Variants in SYTL3 observed in about 807,000 individuals in gnomAD.
SYTL3 encodes the protein synaptotagmin like 3, also known as synaptotagmin-like protein 3.
In SYTL3, 88 loss-of-function variants were observed where a neutral mutation model predicts 82.1. The observed-to-expected ratio is 1.07, with a 90% CI of 0.90 to 1.28. The LOEUF (loss-of-function observed/expected upper bound fraction) is 1.28, where lower values mean the gene tolerates loss of function less well. SYTL3 is among the 50% of genes most tolerant of loss of function. SYTL3 has a pLI of 0.00. For synonymous variants in SYTL3, 311 were observed against 289.4 expected (o/e 1.07, Z -0.76); for missense variants, 831 against 757.6 (o/e 1.10, Z -1.14).
chr6:158,757,490 G>A, intron 14 of SYTL3, 109 bp downstream of exon 14: 2 of 1,236,442 alleles, frequency 1.6e-6, no homozygotes, highest in South Asian at 2.8e-5. Context: ...TTGGACCCAA[G>A]ACTGTGTGTT....
At chr6:158,658,861 G>A (rs372305601) in intron 2 of SYTL3, among the ~76,000 whole-genome samples, 9 of 152,064 alleles carry the variant, frequency 5.9e-5, no homozygotes, top group Admixed American at 6.6e-5. Context: ...CCTGGGAGGC[G>A]GACGTTGCAG....
chr6:158,680,080 C>G (rs1778491122), intron 5 of SYTL3, among the ~76,000 whole-genome samples: 1 of 152,140 alleles, frequency 6.6e-6, no homozygotes, highest in Non-Finnish European at 1.5e-5. Flanking sequence ...TAATTCCTGC[C>G]CTTTGGATTT....
At chr6:158,736,735 C>G (rs182760545) in intron 11 of SYTL3, among the ~76,000 whole-genome samples, 1 of 148,944 alleles carries the variant, frequency 6.7e-6, no homozygotes, top group Non-Finnish European at 1.5e-5. Flanking sequence ...TGGCAGTGAG[C>G]TGAGATCGTG....
chr6:158,717,952 G>C (rs1435119996), intron 9 of SYTL3, 135 bp from the exon 10 acceptor site: 1 of 697,200 alleles, frequency 1.4e-6, no homozygotes, highest in Non-Finnish European at 2.1e-6. Flanking sequence ...TGCCGCCCTT[G>C]CTCCTCCGTG....
intron 6 of SYTL3, among the ~76,000 whole-genome samples, chr6:158,702,683 C>T (rs1781456953): frequency 6.6e-6 from 1 of 152,054 alleles, no homozygotes; most frequent in Non-Finnish European, 1.5e-5. Flanking sequence ...GTACAGCCCT[C>T]GACTATCCCC....
chr6:158,763,265 T>TG, intron 16 of SYTL3, 39 bp from the exon 17 acceptor site: 1 of 1,600,620 alleles, frequency 6.2e-7, no homozygotes. Flanking sequence ...GAAGGCCGTG[T>TG]GGATGGCAAT....
At chr6:158,762,635 G>C (rs1790126843) in intron 16 of SYTL3, among the ~76,000 whole-genome samples, 2 of 152,308 alleles carry the variant, frequency 1.3e-5, no homozygotes, top group South Asian at 4.1e-4. Flanking sequence ...ATAGAACTCA[G>C]GCTGGACGCA....
intron 7 of SYTL3, among the ~76,000 whole-genome samples, chr6:158,707,579 A>G (rs916540458): frequency 1.3e-5 from 2 of 152,244 alleles, no homozygotes; most frequent in Non-Finnish European, 2.9e-5. Context: ...ATTGCGCTTA[A>G]GTGAAATTCT....
At chr6:158,701,907 A>T (rs944165879) in intron 6 of SYTL3, among the ~76,000 whole-genome samples, 3 of 151,804 alleles carry the variant, frequency 2.0e-5, no homozygotes, top group African/African-American at 7.3e-5. Flanking sequence ...CTCTGCCCTG[A>T]TGGTCACGGG....
At chr6:158,684,718 G>GT (rs1269466806) in intron 6 of SYTL3, among the ~76,000 whole-genome samples, 1 of 151,506 alleles carries the variant, frequency 6.6e-6, no homozygotes, top group Non-Finnish European at 1.5e-5. Flanking sequence ...ATTCATTTGG[G>GT]TTGATATTCA....
At chr6:158,761,107 G>C (rs796465737) in intron 15 of SYTL3, among the ~76,000 whole-genome samples, 5 of 152,200 alleles carry the variant, frequency 3.3e-5, no homozygotes, top group African/African-American at 1.2e-4. Flanking sequence ...ACTGGTACCT[G>C]CAGGGCTCAG....
intron 11 of SYTL3, among the ~76,000 whole-genome samples, chr6:158,743,628 T>C (rs934735667): frequency 4.2e-5 from 5 of 120,480 alleles, no homozygotes; most frequent in Admixed American, 3.4e-4. Flanking sequence ...TTTTTTTTGG[T>C]AGAGATGGGG....
At position 158,696,208 on chromosome 6, in the gene SYTL3, C is replaced by CT. The variant is rs879581162; in HGVS notation, c.395-11012dup. On this transcript the variant is annotated intron_variant, in intron 6 of 17. Coordinates refer to ENST00000611299, the MANE Select transcript of SYTL3 (RefSeq NM_001242394.2). ...CACACTAACACTTATTTTATTAACA[C>CT]TTTTTTTTTTGAGATGGAGTCTCAC... 1.1e-3 allele frequency among the ~76,000 whole-genome samples: 162 copies of CT among 149,262 alleles called. 2 individuals carry two copies. The highest frequency in any genetic ancestry group is 7.4e-3 in the South Asian group (35 of 4,706).
chr6:158,664,430 C>A (rs911947136), intron 4 of SYTL3, among the ~76,000 whole-genome samples: 4 of 152,132 alleles, frequency 2.6e-5, no homozygotes, highest in Admixed American at 2.0e-4. Context: ...GTAATCCCAG[C>A]TACTCAGGAG....
chr6:158,729,532 C>A lies in SYTL3; in HGVS notation c.855+3895C>A, dbSNP rs543890417. On this transcript the variant is annotated intron_variant, in intron 11 of 17. Coordinates refer to ENST00000611299, the MANE Select transcript of SYTL3 (RefSeq NM_001242394.2). ...GATCTTTCAAGCTGCCTGCTTAGCCCCTTTCCAAGTGTACTGTACTTTACT... is the reference window on the plus strand; with the variant it reads ...GATCTTTCAAGCTGCCTGCTTAGCCACTTTCCAAGTGTACTGTACTTTACT... 2.8e-4 allele frequency among the ~76,000 whole-genome samples: 43 copies of A among 152,116 alleles called. No individual in the cohort carries two copies. The South Asian group carries it at 8.9e-3, about 32-fold the overall frequency.
intron 2 of SYTL3, among the ~76,000 whole-genome samples, chr6:158,659,039 T>C (rs1789044804): frequency 6.6e-6 from 1 of 152,124 alleles, no homozygotes; most frequent in African/African-American, 2.4e-5. Flanking sequence ...AGTGCTTGAG[T>C]GACATGGTTT....
rs560437642 is a variant in SYTL3 at position 158,657,294 on chromosome 6, C to T, written c.-636-3975C>T. Reference sequence around the variant, plus strand: ...TACAAAAATTAGCCGTGTGTGATGGCGCGTGCCTGTAATCCCAGCTACTCA... The same window carrying T: ...TACAAAAATTAGCCGTGTGTGATGGTGCGTGCCTGTAATCCCAGCTACTCA... On this transcript the variant is annotated intron_variant, in intron 2 of 17. Transcript: ENST00000611299. 3.3e-5 allele frequency among the ~76,000 whole-genome samples: 5 copies of T among 151,866 alleles called. No homozygotes were observed. The East Asian group carries it at 9.7e-4, about 29-fold the overall frequency.
At chr6:158,684,823 A>AG (rs1180916935) in intron 6 of SYTL3, among the ~76,000 whole-genome samples, 1 of 151,892 alleles carries the variant, frequency 6.6e-6, no homozygotes, top group Non-Finnish European at 1.5e-5. Flanking sequence ...AAAAAAAAAA[A>AG]AAAACGCTGC....
rs1020103125 is a variant in SYTL3, at chr6:158,697,278, A to G, written c.395-9952A>G. Among the ~76,000 whole-genome samples, 26 of 58,536 alleles carry G rather than the reference A, an allele frequency of 4.4e-4. 1 individual carries two copies. Among genetic ancestry groups the G allele is most frequent in the Admixed American group, 1.8e-3 (11 of 6,124 alleles). The allele number at this position is 58,536 out of a possible 152,430, so 38.4% of individuals were successfully genotyped here. A position where few individuals can be genotyped will look rare whatever the true frequency, so the allele number is the denominator to read the frequency against. ...ACATGGTGAAACCCCATCTCTACGGAAAAAAAAAAAAAAAAAAAAAAATTA... is the reference window on the plus strand; with the variant it reads ...ACATGGTGAAACCCCATCTCTACGGGAAAAAAAAAAAAAAAAAAAAAATTA... On this transcript the variant is annotated intron_variant, in intron 6 of 17. Coordinates refer to ENST00000611299, the MANE Select transcript of SYTL3 (RefSeq NM_001242394.2).
Sources: gnomAD v4.1 joint callset for allele counts (sites outside exome capture counted in the v4.1 genomes callset) on GRCh38, gnomAD v4.1.1 for gene constraint, MANE v1.5 for transcripts, NCBI Gene and HGNC (gene_info 2026-07-23, HGNC 2026-07-21) for gene names.